PAX6: variants seen among roughly 807,000 people sequenced by gnomAD.
The protein encoded by PAX6 is paired box protein Pax-6.
Under a neutral mutation model 60.7 loss-of-function variants are expected in PAX6, and 7 were observed. The ratio of observed to expected loss-of-function variants is 0.12; its 90% CI spans 0.07 to 0.22. The LOEUF (loss-of-function observed/expected upper bound fraction) is 0.22, where lower values mean the gene tolerates loss of function less well. Among genes scored for constraint, PAX6 ranks in the 10% least tolerant of loss-of-function variants. The pLI is 1.00. For missense variants in PAX6, 355 were observed against 555.2 expected (o/e 0.64, Z 3.62); for synonymous variants, 208 against 201.2 (o/e 1.03, Z -0.29).
At chr11:31,791,007 C>CT in intron 12 of PAX6, 147 bp from the exon 13 acceptor site, 1 of 897,232 alleles carries the variant, frequency 1.1e-6, no homozygotes, top group Non-Finnish European at 1.8e-6. Flanking sequence ...TATGATAAAT[C>CT]TAAGATTGGG....
intron 5 of PAX6, 112 bp downstream of exon 5, chr11:31,802,592 G>A: frequency 8.4e-7 from 1 of 1,194,500 alleles, no homozygotes; most frequent in Non-Finnish European, 1.2e-6. Context: ...GACTGGGGTG[G>A]GTGAGGGTGG....
Position 31,811,314 on chromosome 11 carries a change from G to A in PAX6, c.-516C>T, listed in dbSNP as rs1373103964. 3 of 398,352 alleles carry A rather than the reference G, an allele frequency of 7.5e-6. No individual in the cohort carries two copies. The highest frequency in any genetic ancestry group is 2.1e-5 in the African/African-American group (1 of 48,650). 24.7% of individuals were successfully genotyped at this position (398,352 alleles called of 1,614,324 possible). A position where few individuals can be genotyped will look rare whatever the true frequency, so the allele number is the denominator to read the frequency against. ...CCTTTTCAAACCCACTAATCACTCC[G>A]CAACATGCAAATGCACCGCTCGCTC... On this transcript the variant is annotated 5_prime_UTR_variant, in exon 1 of 14. Coordinates refer to ENST00000640368, the MANE Select transcript of PAX6 (RefSeq NM_001368894.2).
chr11:31,797,016 C>T (rs1448757723), intron 8 of PAX6, among the ~76,000 whole-genome samples: 1 of 152,170 alleles, frequency 6.6e-6, no homozygotes, highest in Non-Finnish European at 1.5e-5. Flanking sequence ...CGACCACCCC[C>T]ACCCCTCGCT....
upstream of PAX6, among the ~76,000 whole-genome samples, chr11:31,815,134 C>T (rs1227304499): frequency 6.6e-6 from 1 of 152,156 alleles, no homozygotes; most frequent in Non-Finnish European, 1.5e-5. Context: ...GCGGGTCAGA[C>T]TCCCAAGGCT....
chr11:31,806,357 C>G (rs757469344), intron 4 of PAX6, 45 bp downstream of exon 4: 1 of 1,593,714 alleles, frequency 6.3e-7, no homozygotes, highest in Non-Finnish European at 8.5e-7. Context: ...CCCTCGGGTC[C>G]GCGCACCCCG....
At chr11:31,795,847 C>T (rs1195571720) in intron 8 of PAX6, among the ~76,000 whole-genome samples, 1 of 152,236 alleles carries the variant, frequency 6.6e-6, no homozygotes, top group African/African-American at 2.4e-5. Context: ...CCACTACAGG[C>T]TGGGTCCTGG....
At chr11:31,811,338 T>G (rs1475705924), upstream of PAX6, 1 of 398,222 alleles carries the variant, frequency 2.5e-6, no homozygotes, top group Non-Finnish European at 4.4e-6. Flanking sequence ...CACCGCTCGC[T>G]CTCACACAAA....
rs1949027926 is a variant in PAX6, at chr11:31,789,237, G to T, written c.*697C>A. On this transcript the variant is annotated 3_prime_UTR_variant, in exon 14 of 14. Transcript: ENST00000640368. ...AACTTTATTATAGAAATCATTCTGA[G>T]GATTTCTAGGGAAGACAAATACTTA... 1 of 213,000 alleles carries T rather than the reference G, an allele frequency of 4.7e-6. No homozygotes were observed. The highest frequency in any genetic ancestry group is 1.9e-4 in the South Asian group (1 of 5,384). 13.2% of individuals were successfully genotyped at this position (213,000 alleles called of 1,614,324 possible). A position where few individuals can be genotyped will look rare whatever the true frequency, so the allele number is the denominator to read the frequency against.
upstream of PAX6, chr11:31,815,029 T>TCTCTCTCTCTCTCTCTC (rs1491542936): frequency 7.0e-6 from 1 of 143,616 alleles, no homozygotes; most frequent in African/African-American, 2.6e-5. Flanking sequence ...TCTCTCTCTC[T>TCTCTCTCTCTCTCTCTC]TTCTCTCTCT....
At position 31,789,595 on chromosome 11, in the gene PAX6, C is replaced by T; in HGVS notation, c.*339G>A. 1 of 575,090 alleles carries T rather than the reference C, an allele frequency of 1.7e-6. No homozygotes were observed. Among genetic ancestry groups the T allele is most frequent in the East Asian group, 3.0e-5 (1 of 33,876 alleles). The allele number at this position is 575,090 out of a possible 1,614,324, so 35.6% of individuals were successfully genotyped here. On this transcript the variant is annotated 3_prime_UTR_variant, in exon 14 of 14. Coordinates refer to ENST00000640368, the MANE Select transcript of PAX6 (RefSeq NM_001368894.2). ...TTCTTTTTAAAAAAAAAAAAAACAA[C>T]TTCATGACCAACACAGATCAAACAT...
upstream of PAX6, chr11:31,816,285 T>C (rs953664397): frequency 2.5e-6 from 1 of 397,204 alleles, no homozygotes; most frequent in Non-Finnish European, 4.5e-6. Flanking sequence ...TGAATAGTAA[T>C]TCCAGTCATC....
intron 12 of PAX6, chr11:31,792,494 G>A (rs920194180): frequency 6.6e-6 from 1 of 152,172 alleles, no homozygotes; most frequent in Admixed American, 6.5e-5. Context: ...AATCAGTGTA[G>A]CCCCAGAACT....
intron 10 of PAX6, 111 bp from the exon 11 acceptor site, chr11:31,793,913 C>A (rs151261037): frequency 3.6e-6 from 5 of 1,372,724 alleles, no homozygotes; most frequent in Middle Eastern, 1.8e-4. Context: ...ATTTAGCAGA[C>A]TGAACCTTTT....
intron 12 of PAX6, 115 bp from the exon 13 acceptor site, chr11:31,790,975 C>A: frequency 9.4e-7 from 1 of 1,064,722 alleles, no homozygotes; most frequent in South Asian, 1.4e-5. Context: ...AAGATGCCTT[C>A]ACGTGAAGTA....
chr11:31,812,722 C>T (rs1030462435), upstream of PAX6: 1 of 152,450 alleles, frequency 6.6e-6, no homozygotes, highest in Non-Finnish European at 1.5e-5. Flanking sequence ...GCTGTACACA[C>T]CCCAGGACAG....
At chr11:31,801,009 T>C (rs1953649030) in intron 7 of PAX6, 153 bp from the exon 8 acceptor site, 1 of 841,636 alleles carries the variant, frequency 1.2e-6, no homozygotes, top group African/African-American at 1.7e-5. Flanking sequence ...AGATACACCG[T>C]GGAAAAAATG....
In PAX6 at chr11:31,800,530, C is replaced by T. The variant is rs868623101; in HGVS notation, c.565+161G>A. On this transcript the variant is annotated intron_variant, in intron 8 of 13. Transcript: ENST00000640368. The stretch of plus-strand genomic sequence containing the variant: ...CAACAAAATGGTTCAACAAACACCA[C>T]CTACATACAATGTGGTCGATGTGTC... 4.4e-6 allele frequency: 4 copies of T among 899,872 alleles called. No homozygotes were observed. The African/African-American group carries it at 6.5e-5, about 15-fold the overall frequency. 55.7% of individuals were successfully genotyped at this position (899,872 alleles called of 1,614,324 possible). A position where few individuals can be genotyped will look rare whatever the true frequency, so the allele number is the denominator to read the frequency against.
chr11:31,811,148 T>C lies in PAX6; in HGVS notation c.-350A>G, dbSNP rs1346061231. On this transcript the variant is annotated 5_prime_UTR_variant, in exon 1 of 14. Coordinates refer to ENST00000640368, the MANE Select transcript of PAX6 (RefSeq NM_001368894.2). ...ATTGGTGATGGCTCAAGTGTGTTAA[T>C]GTGTGTGTGCCGGCGCCCGGCCTCG... 3 of 399,200 alleles carry C rather than the reference T, an allele frequency of 7.5e-6. No homozygotes were observed. The highest frequency in any genetic ancestry group is 1.3e-5 in the Non-Finnish European group (3 of 226,348). The allele number at this position is 399,200 out of a possible 1,614,324, so 24.7% of individuals were successfully genotyped here. A position where few individuals can be genotyped will look rare whatever the true frequency, so the allele number is the denominator to read the frequency against.
At chr11:31,791,021 C>T (rs574351185) in intron 12 of PAX6, 161 bp from the exon 13 acceptor site, 5 of 823,222 alleles carry the variant, frequency 6.1e-6, no homozygotes, top group African/African-American at 3.4e-5. Context: ...GATTGGGCCT[C>T]GAGCTAGTCC....
Sources: gnomAD v4.1 joint callset for allele counts (sites outside exome capture counted in the v4.1 genomes callset) on GRCh38, gnomAD v4.1.1 for gene constraint, MANE v1.5 for transcripts, NCBI Gene and HGNC (gene_info 2026-07-23, HGNC 2026-07-21) for gene names.